The following GATAD2B variants were observed in gnomAD, a reference collection of about 807,000 sequenced individuals.
GATAD2B encodes the protein transcriptional repressor p66-beta.
In GATAD2B, 8 loss-of-function variants were observed where a neutral mutation model predicts 64.3. The ratio of observed to expected loss-of-function variants is 0.12; its 90% CI spans 0.07 to 0.22. The LOEUF (loss-of-function observed/expected upper bound fraction) is 0.22, where lower values mean the gene tolerates loss of function less well. GATAD2B is among the 10% of genes least tolerant of loss of function. The pLI is 1.00. For synonymous variants in GATAD2B, 281 were observed against 271.3 expected (o/e 1.04, Z -0.35); for missense variants, 453 against 752.0 (o/e 0.60, Z 4.65).
chr1:153,827,099 G>A (rs1570936990), intron 2 of GATAD2B, among the ~76,000 whole-genome samples: 1 of 147,904 alleles, frequency 6.8e-6, no homozygotes, highest in African/African-American at 2.5e-5. Flanking sequence ...ACAAAAATTA[G>A]ACAGGCATGG....
chr1:153,865,431 A>G (rs913928869), intron 1 of GATAD2B, among the ~76,000 whole-genome samples: 2 of 152,218 alleles, frequency 1.3e-5, no homozygotes, highest in African/African-American at 4.8e-5. Context: ...ACTGCACTCC[A>G]GCCTAGGTGA....
intron 1 of GATAD2B, among the ~76,000 whole-genome samples, chr1:153,885,289 T>C (rs1379035609): frequency 1.3e-5 from 2 of 151,996 alleles, no homozygotes; most frequent in Non-Finnish European, 2.9e-5. Flanking sequence ...ATTAGCCAAA[T>C]ATGATGGAAG....
At chr1:153,875,988 A>G (rs1570980734) in intron 1 of GATAD2B, among the ~76,000 whole-genome samples, 1 of 151,868 alleles carries the variant, frequency 6.6e-6, no homozygotes, top group Admixed American at 6.6e-5. Context: ...CAGCACTTTG[A>G]GAGGCCAAAG....
In GATAD2B at chr1:153,816,723, T is replaced by G; in HGVS notation, c.901-135A>C. The G allele has an allele frequency of 1.6e-6, 1 of 611,164 alleles. No individual in the cohort carries two copies. Among genetic ancestry groups the G allele is most frequent in the South Asian group, 2.0e-5 (1 of 49,876 alleles). 37.9% of individuals were successfully genotyped at this position (611,164 alleles called of 1,614,324 possible). On this transcript the variant is annotated intron_variant, in intron 6 of 10. Transcript: ENST00000368655. The surrounding 1 kb of genome is among the most constrained non-coding windows in gnomAD (Gnocchi z 4.9). ...CCAAAAATAGGAGGTGGTCAACTTA[T>G]TTATTGAAAAAGAACTCTGACACAT... is the stretch of plus-strand genomic sequence containing the variant.
At chr1:153,915,516 C>G (rs1678234993) in intron 1 of GATAD2B, among the ~76,000 whole-genome samples, 1 of 151,896 alleles carries the variant, frequency 6.6e-6, no homozygotes, top group African/African-American at 2.4e-5. Flanking sequence ...GGGAAGGTTT[C>G]CCAGAAGAAG....
chr1:153,902,676 G>A (rs1383273184), intron 1 of GATAD2B, among the ~76,000 whole-genome samples: 2 of 151,838 alleles, frequency 1.3e-5, no homozygotes, highest in South Asian at 2.1e-4. Flanking sequence ...CTCTGGTCTC[G>A]AACTCCTGGG....
At position 153,918,252 on chromosome 1, in the gene GATAD2B, A is replaced by G. The variant is rs138897792; in HGVS notation, c.-2+4481T>C. ...AAATGAGAATTCAAAAATTAGTAGC[A>G]TTACCCAAAATCAGTTAGCTAATAA... On this transcript the variant is annotated intron_variant, in intron 1 of 10. Transcript: ENST00000368655. 1.8e-4 allele frequency among the ~76,000 whole-genome samples: 28 copies of G among 152,342 alleles called. No homozygotes were observed. The East Asian group carries it at 2.5e-3, about 14-fold the overall frequency.
intron 1 of GATAD2B, among the ~76,000 whole-genome samples, chr1:153,905,924 G>A (rs1677913263): frequency 1.3e-5 from 2 of 150,620 alleles, no homozygotes; most frequent in African/African-American, 2.4e-5. Context: ...AAAATTAGCT[G>A]GGTGTGGTGG....
intron 1 of GATAD2B, among the ~76,000 whole-genome samples, chr1:153,895,068 G>C (rs1450972521): frequency 1.3e-5 from 2 of 152,188 alleles, no homozygotes; most frequent in Admixed American, 6.5e-5. Context: ...TGAGGCAGGA[G>C]AATCCCTTGA....
Position 153,809,553 on chromosome 1 carries a change from T to C in GATAD2B, c.*624A>G, listed in dbSNP as rs1302252566. 1.3e-5 allele frequency: 2 copies of C among 152,406 alleles called. No individual in the cohort carries two copies. The highest frequency in any genetic ancestry group is 2.9e-5 in the Non-Finnish European group (2 of 68,030). The allele number at this position is 152,406 out of a possible 1,614,324, so 9.4% of individuals were successfully genotyped here. ...CCAAACACCCACAGGTAGGGTGCTA[T>C]TCGTCCTTCTTTGATACCCCCCACC... On this transcript the variant is annotated 3_prime_UTR_variant, in exon 11 of 11. Coordinates refer to ENST00000368655, the MANE Select transcript of GATAD2B (RefSeq NM_020699.4).
chr1:153,890,736 C>T (rs754313800), intron 1 of GATAD2B: 1 of 152,180 alleles, frequency 6.6e-6, no homozygotes, highest in Non-Finnish European at 1.5e-5. Flanking sequence ...TTGGCCAAAA[C>T]TGGCATCCAT....
At chr1:153,850,965 TAACAC>T (rs1293092587) in intron 1 of GATAD2B, among the ~76,000 whole-genome samples, 1 of 151,442 alleles carries the variant, frequency 6.6e-6, no homozygotes, top group East Asian at 1.9e-4. Flanking sequence ...TAAAAACACT[TAACAC>T]AAGATCTACC....
chr1:153,911,112 T>A (rs1004333419), intron 1 of GATAD2B, among the ~76,000 whole-genome samples: 2 of 151,904 alleles, frequency 1.3e-5, no homozygotes, highest in Admixed American at 6.6e-5. Context: ...GGGAATAAAG[T>A]GAAAAAAGAG....
At chr1:153,813,068 A>G (rs923509204) in intron 8 of GATAD2B, among the ~76,000 whole-genome samples, 182 bp downstream of exon 8, 36 of 152,146 alleles carry the variant, frequency 2.4e-4, no homozygotes, top group African/African-American at 8.7e-4. Flanking sequence ...CAGCCATTAT[A>G]TTTTACCATG....
At chr1:153,834,545 C>T (rs1441567744) in intron 1 of GATAD2B, among the ~76,000 whole-genome samples, 2 of 152,040 alleles carry the variant, frequency 1.3e-5, no homozygotes, top group African/African-American at 4.8e-5. Flanking sequence ...TGTGCCACCC[C>T]AGGCCCAGCT....
intron 1 of GATAD2B, among the ~76,000 whole-genome samples, chr1:153,831,050 G>A (rs1329810092): frequency 6.6e-6 from 1 of 152,148 alleles, no homozygotes; most frequent in East Asian, 1.9e-4. Flanking sequence ...GGGATTATAG[G>A]CAGAAATACA....
intron 1 of GATAD2B, among the ~76,000 whole-genome samples, chr1:153,837,396 G>C (rs992102957): frequency 1.3e-5 from 2 of 149,720 alleles, no homozygotes; most frequent in African/African-American, 4.9e-5. Flanking sequence ...AAACACAGTA[G>C]AATAGAGGTT....
chr1:153,818,115 T>A lies in GATAD2B; in HGVS notation c.654A>T (p.Gly218=). 1.2e-6 allele frequency: 2 copies of A among 1,612,870 alleles called. No individual in the cohort carries two copies. Among genetic ancestry groups the A allele is most frequent in the Non-Finnish European group, 1.7e-6 (2 of 1,179,150 alleles). Residue 218 remains glycine, a synonymous_variant, in exon 5 of 11, where the codon GGA becomes GGT. Coordinates refer to ENST00000368655, the MANE Select transcript of GATAD2B (RefSeq NM_020699.4). ...AGGGAAGCTTAGATAGGCCCTGCTGTCCCACATGGGCAGGAGATGGCTGAA... is the reference window on the plus strand; with the variant it reads ...AGGGAAGCTTAGATAGGCCCTGCTGACCCACATGGGCAGGAGATGGCTGAA... ...SIVQPSPAHV[G]QQGLSKLPSR...
intron 1 of GATAD2B, among the ~76,000 whole-genome samples, chr1:153,858,867 T>C (rs1676176967): frequency 6.6e-6 from 1 of 152,110 alleles, no homozygotes; most frequent in African/African-American, 2.4e-5. Flanking sequence ...AAGAGACTAT[T>C]CTTAAAAGTA....
Sources: allele counts gnomAD v4.1 joint callset (sites outside exome capture counted in the v4.1 genomes callset), GRCh38; gene constraint gnomAD v4.1.1; non-coding constraint Gnocchi (gnomAD v3.1); transcripts MANE v1.5; gene names NCBI Gene and HGNC (gene_info 2026-07-23, HGNC 2026-07-21).